The following PLIN2 variants were observed in gnomAD, a reference collection of about 807,000 sequenced individuals.
PLIN2 encodes perilipin-2.
In PLIN2, 33 loss-of-function variants were observed where a neutral mutation model predicts 30.6. The observed-to-expected ratio is 1.08, with a 90% CI of 0.82 to 1.44. PLIN2 has a LOEUF of 1.44. Ranked by LOEUF, PLIN2 falls within the 40% of genes most tolerant of loss-of-function variation. The pLI is 0.00. For synonymous variants in PLIN2, 205 were observed against 201.1 expected, an observed-to-expected ratio of 1.02 and a Z score of -0.16; for missense variants, 610 against 531.8, an observed-to-expected ratio of 1.15 and a Z score of -1.45.
In PLIN2 at chr9:19,126,095, T is replaced by C; in HGVS notation, c.226+19A>G. On this transcript the variant is annotated intron_variant, in intron 3 of 7. Transcript: ENST00000276914. The stretch of plus-strand genomic sequence containing the variant: ...ACTGACCAGTCCCTTGACTTGCATC[T>C]TGAAAAATCAGAACTCACTTTGCGG... 1 of 1,609,394 alleles carries C rather than the reference T, an allele frequency of 6.2e-7. No individual in the cohort carries two copies. Among genetic ancestry groups the C allele is most frequent in the Non-Finnish European group, 8.5e-7 (1 of 1,176,426 alleles).
Position 19,119,799 on chromosome 9 carries a change from G to A in PLIN2, c.628C>T (p.Leu210=). The A allele has an allele frequency of 1.3e-6, 2 of 1,574,314 alleles. No individual in the cohort carries two copies. The highest frequency in any genetic ancestry group is 1.7e-6 in the Non-Finnish European group (2 of 1,159,644). Residue 210 remains leucine, a synonymous_variant, in exon 6 of 8, where the codon CTG becomes TTG. Coordinates refer to ENST00000276914, the MANE Select transcript of PLIN2 (RefSeq NM_001122.4). ...ACATAATAACTTGGCTTCTGAACCA[G>A]ATCAAATCCTTCAACTTTTTTTGCT... ...KEAKKVEGFD[L]VQKPSYYVRL...
At position 19,126,899 on chromosome 9, in the gene PLIN2, G is replaced by C. The variant is rs532193949; in HGVS notation, c.-22-451C>G. On this transcript the variant is annotated intron_variant, in intron 1 of 7. Coordinates refer to ENST00000276914, the MANE Select transcript of PLIN2 (RefSeq NM_001122.4). ...TCTTCTAAAAATACAAAAATTAGCC[G>C]GGCGTGGTGGCGGGCGCCTGTTATC... 6.0e-4 allele frequency among the ~76,000 whole-genome samples: 91 copies of C among 152,128 alleles called. 1 individual carries two copies. In the South Asian group the frequency reaches 6.8e-3, roughly 11 times the overall value.
intron 6 of PLIN2, 148 bp downstream of exon 6, chr9:19,119,502 T>G: frequency 5.3e-6 from 3 of 561,808 alleles, no homozygotes; most frequent in Non-Finnish European, 9.5e-6. Flanking sequence ...CCTTTTTCTG[T>G]GAGCTGTCTC....
At chr9:19,117,414 C>A (rs1159259716) in intron 7 of PLIN2, among the ~76,000 whole-genome samples, 2 of 151,904 alleles carry the variant, frequency 1.3e-5, no homozygotes, top group East Asian at 1.9e-4. Flanking sequence ...CTGCCTTGGC[C>A]TCCCAAAATG....
rs1397902453 is a variant in PLIN2, at chr9:19,116,668, A to G, written c.913-19T>C. The G allele has an allele frequency of 2.5e-6, 4 of 1,603,346 alleles. No individual in the cohort carries two copies. Among genetic ancestry groups the G allele is most frequent in the Non-Finnish European group, 3.4e-6 (4 of 1,172,628 alleles). On this transcript the variant is annotated intron_variant, in intron 7 of 7. Transcript: ENST00000276914. ...CAATGTGCTAAAAATAAAACTTAAA[A>G]TTAGCAGTGGATCCAACAGTGCTAT...
rs1432060739 is a variant in PLIN2, at chr9:19,127,018, G to A, written c.-23+401C>T. On this transcript the variant is annotated intron_variant, in intron 1 of 7. Transcript: ENST00000276914. The surrounding 1 kb of genome is among the most constrained non-coding windows in gnomAD (Gnocchi z 4.3). ...GATGGCGTCACTGCACTCCAGCCTGGGCGACAGAGCGAGACTCCGTCAAAA... is the reference window on the plus strand; with the variant it reads ...GATGGCGTCACTGCACTCCAGCCTGAGCGACAGAGCGAGACTCCGTCAAAA... Among the ~76,000 whole-genome samples the A allele has an allele frequency of 2.0e-5, 3 of 151,906 alleles. No homozygotes were observed. The highest frequency in any genetic ancestry group is 1.9e-4 in the East Asian group (1 of 5,166).
rs377563816 is a variant in PLIN2, at chr9:19,120,962, G to A, written c.513C>T (p.Leu171=). The stretch of plus-strand genomic sequence containing the variant: ...GTGCATTTTCTACGCCACTGCTCAC[G>A]AGCTGCATCATCCGACTCCCCAAGA... ...NTVLGSRMMQ[L]VSSGVENALT... The change falls in exon 5 of 8, where the codon CTC becomes CTT. Residue 171 remains leucine, a synonymous_variant. Transcript: ENST00000276914. The A allele has an allele frequency of 2.4e-5, 38 of 1,613,914 alleles. No homozygotes were observed. The highest frequency in any genetic ancestry group is 2.8e-5 in the Non-Finnish European group (33 of 1,179,946).
chr9:19,125,464 A>G (rs921622424), intron 3 of PLIN2: 2 of 152,210 alleles, frequency 1.3e-5, no homozygotes, highest in Non-Finnish European at 2.9e-5. Context: ...AGGCAGGACA[A>G]TCACCTGAGC....
downstream of PLIN2, among the ~76,000 whole-genome samples, chr9:19,111,080 C>T (rs867956774): frequency 3.3e-5 from 5 of 150,724 alleles, no homozygotes; most frequent in Non-Finnish European, 7.4e-5. Context: ...TTTTTTGAGA[C>T]GGAGTCTCGC....
Position 19,126,247 on chromosome 9 carries a change from T to G in PLIN2, c.93A>C (p.Ser31=). 6.2e-7 allele frequency: 1 copy of G among 1,614,146 alleles called. No individual in the cohort carries two copies. The highest frequency in any genetic ancestry group is 8.5e-7 in the Non-Finnish European group (1 of 1,180,014). Reference sequence around the variant, plus strand: ...ACTGGTCCTTTGTACTGAGATAGGCTGAGGACATGAGGTCATACGTGGAGC... The same window carrying G: ...ACTGGTCCTTTGTACTGAGATAGGCGGAGGACATGAGGTCATACGTGGAGC... ...LVSSTYDLMS[S]AYLSTKDQYP... is the part of the protein sequence containing the mutation. The change falls in exon 3 of 8, where the codon TCA becomes TCC. Residue 31 remains serine, a synonymous_variant. Coordinates refer to ENST00000276914, the MANE Select transcript of PLIN2 (RefSeq NM_001122.4).
intron 7 of PLIN2, among the ~76,000 whole-genome samples, chr9:19,117,761 G>A (rs1271608566): frequency 6.6e-6 from 1 of 152,000 alleles, no homozygotes; most frequent in African/African-American, 2.4e-5. Context: ...GGGACTACAG[G>A]CACGTGCCAC....
At chr9:19,109,806 A>C (rs1361927269) in intron 2 of PLIN2, among the ~76,000 whole-genome samples, 1 of 151,190 alleles carries the variant, frequency 6.6e-6, no homozygotes, top group Non-Finnish European at 1.5e-5. Context: ...TAATACAAAA[A>C]TTAGCCGGGT....
rs560215064 is a variant in PLIN2, at chr9:19,119,855, A to G, written c.596-24T>C. 6.6e-6 allele frequency: 10 copies of G among 1,520,866 alleles called. No homozygotes were observed. The Admixed American group carries it at 1.1e-4, about 17-fold the overall frequency. The allele number at this position is 1,520,866 out of a possible 1,614,324, so 94.2% of individuals were successfully genotyped here. ...TTCTGAAGTTAGAAATAAGAGACAA[A>G]AAAACTTAAGGGATCACAGTGACAA... On this transcript the variant is annotated intron_variant, in intron 5 of 7. Transcript: ENST00000276914.
Position 19,115,979 on chromosome 9 carries a change from T to C in PLIN2, c.*269A>G, listed in dbSNP as rs1402816226. The C allele has an allele frequency of 9.6e-6, 3 of 311,902 alleles. No homozygotes were observed. The highest frequency in any genetic ancestry group is 6.0e-5 in the East Asian group (1 of 16,606). The allele number at this position is 311,902 out of a possible 1,614,324, so 19.3% of individuals were successfully genotyped here. On this transcript the variant is annotated 3_prime_UTR_variant, in exon 8 of 8. Coordinates refer to ENST00000276914, the MANE Select transcript of PLIN2 (RefSeq NM_001122.4). ...AGTAACAGAGGCAACACAATGGCCATAGAATGAGAACATAAGTGCATTTGA... is the reference window on the plus strand; with the variant it reads ...AGTAACAGAGGCAACACAATGGCCACAGAATGAGAACATAAGTGCATTTGA...
intron 5 of PLIN2, 97 bp from the exon 6 acceptor site, chr9:19,119,928 C>T: frequency 1.3e-6 from 1 of 752,784 alleles, no homozygotes; most frequent in Non-Finnish European, 2.2e-6. Flanking sequence ...CTTACTTCTA[C>T]CCAATCACTT....
chr9:19,114,267 T>C (rs1818192509), downstream of PLIN2, among the ~76,000 whole-genome samples: 1 of 152,112 alleles, frequency 6.6e-6, no homozygotes, highest in Non-Finnish European at 1.5e-5. Context: ...TAAAGTTATG[T>C]GCCGCTTCCT....
chr9:19,126,330 G>A, intron 2 of PLIN2, 21 bp from the exon 3 acceptor site: 9 of 1,613,312 alleles, frequency 5.6e-6, no homozygotes, highest in Non-Finnish European at 7.6e-6. Flanking sequence ...AGTAGGGAGG[G>A]TATGCTTATT....
intron 2 of PLIN2, among the ~76,000 whole-genome samples, chr9:19,109,929 C>A (rs1818137112): frequency 6.6e-6 from 1 of 151,192 alleles, no homozygotes; most frequent in African/African-American, 2.4e-5. Context: ...GCACTCTAGC[C>A]TGGGTAACAG....
At chr9:19,122,241 A>C (rs547535485) in intron 4 of PLIN2, among the ~76,000 whole-genome samples, 1 of 152,328 alleles carries the variant, frequency 6.6e-6, no homozygotes, top group South Asian at 2.1e-4. Context: ...GATTTGCACA[A>C]GCATTCTAAA....
Sources: gnomAD v4.1 joint callset for allele counts (sites outside exome capture counted in the v4.1 genomes callset) on GRCh38, gnomAD v4.1.1 for gene constraint, Gnocchi (gnomAD v3.1) non-coding constraint, MANE v1.5 for transcripts, NCBI Gene and HGNC (gene_info 2026-07-23, HGNC 2026-07-21) for gene names.